Variants in ITGA9 observed in about 807,000 individuals in gnomAD.
ITGA9 encodes integrin alpha-9.
ITGA9 carries 56 observed loss-of-function variants against 127.8 expected under a neutral mutation model. The observed-to-expected ratio is 0.44, with a 90% confidence interval of 0.35 to 0.55. The LOEUF is 0.55. ITGA9 is among the 20% of genes least tolerant of loss of function. ITGA9 has a pLI of 0.00. For missense variants in ITGA9, 1,196 were observed against 1,347.1 expected, an observed-to-expected ratio of 0.89 and a Z score of 1.76; for synonymous variants, 508 against 514.5, an observed-to-expected ratio of 0.99 and a Z score of 0.17.
rs1363178560 is a variant in ITGA9, at chr3:37,764,997, A to G, written c.2542-12395A>G. On this transcript the variant is annotated intron_variant, in intron 23 of 27. Coordinates refer to ENST00000264741, the MANE Select transcript of ITGA9 (RefSeq NM_002207.3). ...CACTATGTGAAATTACTCTCTTATC[A>G]TCAGTCTTCTTCCACCAGATTAAAA... Among the ~76,000 whole-genome samples, 4 of 152,148 alleles carry G rather than the reference A, an allele frequency of 2.6e-5. No individual in the cohort carries two copies. In the East Asian group the frequency reaches 7.7e-4, roughly 29 times the overall value.
rs138303343 is a variant in ITGA9 at position 37,513,858 on chromosome 3, C to G, written c.993C>G (p.Ile331Met). Reference sequence around the variant, plus strand: ...TGGGGGCCCCCATGTTTTCTGAGATCAGGGATGAGGGACAGGTCACTGTCT... The same window carrying G: ...TGGGGGCCCCCATGTTTTCTGAGATGAGGGATGAGGGACAGGTCACTGTCT... ...LLVGAPMFSEIRDEGQVTVYI... is the reference protein window; with the variant it reads ...LLVGAPMFSEMRDEGQVTVYI... The change falls in exon 9 of 28, where the codon ATC becomes ATG. Residue 331 changes from isoleucine to methionine, a missense_variant. Physicochemically the swap from Ile to Met is conservative, Grantham distance 10. Transcript: ENST00000264741. 2.5e-6 allele frequency: 4 copies of G among 1,613,720 alleles called. No homozygotes were observed. The highest frequency in any genetic ancestry group is 3.4e-6 in the Non-Finnish European group (4 of 1,180,012).
Position 37,629,074 on chromosome 3 carries a change from A to AT in ITGA9, c.1690-111dup. ...CATAAAACCCTACCTCACGAGGGTG[A>AT]TTGTGAGGATTATATGAGGCAATTC... is the stretch of plus-strand genomic sequence containing the variant. On this transcript the variant is annotated intron_variant, in intron 15 of 27. Coordinates refer to ENST00000264741, the MANE Select transcript of ITGA9 (RefSeq NM_002207.3). The surrounding 1 kb of genome is among the most constrained non-coding windows in gnomAD (Gnocchi z 4.5). 3 of 1,214,766 alleles carry AT rather than the reference A, an allele frequency of 2.5e-6. No homozygotes were observed. Among genetic ancestry groups the AT allele is most frequent in the Non-Finnish European group, 2.4e-6 (2 of 822,874 alleles). The allele number at this position is 1,214,766 out of a possible 1,614,324, so 75.2% of individuals were successfully genotyped here.
chr3:37,622,970 T>A (rs565712914), intron 15 of ITGA9, among the ~76,000 whole-genome samples: 46 of 152,312 alleles, frequency 3.0e-4, no homozygotes, highest in African/African-American at 1.1e-3. Flanking sequence ...CCTTGCACTG[T>A]GTCCTGTATG....
intron 12 of ITGA9, among the ~76,000 whole-genome samples, chr3:37,524,174 T>G (rs1438418334): frequency 6.6e-6 from 1 of 152,150 alleles, no homozygotes; most frequent in East Asian, 1.9e-4. Context: ...ATACATGATT[T>G]CAAACCCAAC....
At chr3:37,557,483 C>T (rs1699442225) in intron 15 of ITGA9, among the ~76,000 whole-genome samples, 1 of 152,164 alleles carries the variant, frequency 6.6e-6, no homozygotes, top group Non-Finnish European at 1.5e-5. Context: ...GGGGTCTTTT[C>T]ACAAGACAGC....
intron 4 of ITGA9, among the ~76,000 whole-genome samples, chr3:37,482,769 C>T (rs1418572251): frequency 6.6e-6 from 1 of 152,242 alleles, no homozygotes; most frequent in East Asian, 1.9e-4. Context: ...CAAACCCTCT[C>T]CCCTATAGAG....
intron 15 of ITGA9, among the ~76,000 whole-genome samples, chr3:37,596,378 T>C (rs1699870911): frequency 6.6e-6 from 1 of 152,126 alleles, no homozygotes; most frequent in African/African-American, 2.4e-5. Context: ...AGAGGCGTTT[T>C]TGGAGAAGGC....
intron 23 of ITGA9, among the ~76,000 whole-genome samples, chr3:37,752,021 GACA>G (rs1361691695): frequency 3.3e-5 from 5 of 152,190 alleles, no homozygotes; most frequent in African/African-American, 9.7e-5. Context: ...AGCCCAGAAT[GACA>G]ACAAGAGTAG....
chr3:37,730,895 C>T (rs1253671931), intron 18 of ITGA9, among the ~76,000 whole-genome samples: 3 of 152,104 alleles, frequency 2.0e-5, no homozygotes, highest in Middle Eastern at 3.2e-3. Flanking sequence ...ATATACGTGC[C>T]ACGGGGCAGG....
intron 15 of ITGA9, among the ~76,000 whole-genome samples, chr3:37,548,356 A>G (rs915449156): frequency 1.3e-5 from 2 of 152,188 alleles, no homozygotes; most frequent in South Asian, 4.1e-4. Flanking sequence ...TGGGGCGATG[A>G]ACATATTCTA....
rs143739197 is a variant in ITGA9 at position 37,542,483 on chromosome 3, G to A, written c.1587G>A (p.Arg529=). 3.1e-6 allele frequency: 5 copies of A among 1,614,050 alleles called. No individual in the cohort carries two copies. Among genetic ancestry groups the A allele is most frequent in the East Asian group, 2.2e-5 (1 of 44,868 alleles). ...VAKKEKGQMP[R]VYFVLLGETM... is the part of the protein sequence containing the mutation. ...AAAAGGAGAAGGGCCAGATGCCCAG[G>A]GTCTACTTTGTGCTGCTGGGAGAGA... The change falls in exon 15 of 28, where the codon AGG becomes AGA. Residue 529 remains arginine (R), a synonymous_variant. Transcript: ENST00000264741.
chr3:37,775,872 A>G (rs1264275337), intron 23 of ITGA9, among the ~76,000 whole-genome samples: 1 of 152,200 alleles, frequency 6.6e-6, no homozygotes, highest in African/African-American at 2.4e-5. Flanking sequence ...CCGTAAAGAC[A>G]CATGCACATG....
intron 18 of ITGA9, among the ~76,000 whole-genome samples, chr3:37,727,690 A>G (rs954798730): frequency 1.9e-4 from 29 of 152,248 alleles, no homozygotes; most frequent in Non-Finnish European, 7.3e-5. Context: ...CTACTATTTC[A>G]TAAGATAACA....
intron 17 of ITGA9, among the ~76,000 whole-genome samples, chr3:37,668,267 G>A (rs867795650): frequency 4.6e-5 from 7 of 152,188 alleles, no homozygotes; most frequent in African/African-American, 1.4e-4. Flanking sequence ...GGCTGGCCAC[G>A]TGCTCATAGC....
chr3:37,700,190 G>A (rs1011125617), intron 18 of ITGA9, among the ~76,000 whole-genome samples: 4 of 152,088 alleles, frequency 2.6e-5, no homozygotes, highest in Non-Finnish European at 5.9e-5. Context: ...CACCATGTTG[G>A]CTAGGCTGGT....
intron 15 of ITGA9, among the ~76,000 whole-genome samples, chr3:37,611,736 A>G (rs1700018223): frequency 6.6e-6 from 1 of 151,984 alleles, no homozygotes; most frequent in South Asian, 2.1e-4. Context: ...TTCACACACC[A>G]CTAAGGTCTA....
At position 37,761,948 on chromosome 3, in the gene ITGA9, G is replaced by A. The variant is rs77118668; in HGVS notation, c.2541+11379G>A. Among the ~76,000 whole-genome samples the A allele has an allele frequency of 6.5e-3, 995 of 152,348 alleles. 9 individuals are homozygous for A. The highest frequency in any genetic ancestry group is 0.031 in the Middle Eastern group (9 of 294). On this transcript the variant is annotated intron_variant, in intron 23 of 27. Coordinates refer to ENST00000264741, the MANE Select transcript of ITGA9 (RefSeq NM_002207.3). ...TCTGAGAATTCGCAGCCCCTCTCCT[G>A]TAAAACTCATGAATAATCCACTCCT...
chr3:37,637,914 C>T (rs372339336), intron 16 of ITGA9, among the ~76,000 whole-genome samples: 19 of 152,298 alleles, frequency 1.2e-4, no homozygotes, highest in African/African-American at 4.3e-4. Context: ...CTCAGGTGAT[C>T]TGTCCGCCTT....
Position 37,806,767 on chromosome 3 carries a change from G to T in ITGA9, c.3009+2825G>T, listed in dbSNP as rs957241516. 6.6e-6 allele frequency: 1 copy of T among 152,226 alleles called. No individual in the cohort carries two copies. Among genetic ancestry groups the T allele is most frequent in the Non-Finnish European group, 1.5e-5 (1 of 68,076 alleles). 9.4% of individuals were successfully genotyped at this position (152,226 alleles called of 1,614,324 possible). ...GACCAGGGCTTGCCGTAACTAACGG[G>T]TGGCAGGAAAGCTTTGAGGAGGCTG... is the stretch of plus-strand genomic sequence containing the variant. On this transcript the variant is annotated intron_variant, in intron 27 of 27. Coordinates refer to ENST00000264741, the MANE Select transcript of ITGA9 (RefSeq NM_002207.3). The surrounding 1 kb of genome is among the most constrained non-coding windows in gnomAD (Gnocchi z 4.3).
Sources: allele counts gnomAD v4.1 joint callset (sites outside exome capture counted in the v4.1 genomes callset), GRCh38; gene constraint gnomAD v4.1.1; non-coding constraint Gnocchi (gnomAD v3.1); transcripts MANE v1.5; gene names NCBI Gene and HGNC (gene_info 2026-07-23, HGNC 2026-07-21).